CABIN1: variants seen among roughly 807,000 people sequenced by gnomAD.
The protein encoded by CABIN1 is calcineurin-binding protein cabin-1.
Under a neutral mutation model 227.7 loss-of-function variants are expected in CABIN1, and 133 were observed. The ratio of observed to expected loss-of-function variants is 0.58; its 90% confidence interval spans 0.51 to 0.67. CABIN1 has a LOEUF of 0.67. CABIN1 is among the 30% of genes least tolerant of loss of function. CABIN1 has a pLI of 0.00. For missense variants in CABIN1, 2,408 were observed against 2,852.5 expected, an observed-to-expected ratio of 0.84 and a Z score of 3.55; for synonymous variants, 1,086 against 1,155.1, an observed-to-expected ratio of 0.94 and a Z score of 1.21.
chr22:24,044,736 C>T (rs1242484501), intron 6 of CABIN1, among the ~76,000 whole-genome samples: 1 of 152,168 alleles, frequency 6.6e-6, no homozygotes, highest in Non-Finnish European at 1.5e-5. Flanking sequence ...TGCTTTGCTA[C>T]TTTATAACAA....
At chr22:24,096,313 G>A (rs1262554762) in intron 25 of CABIN1, among the ~76,000 whole-genome samples, 1 of 152,196 alleles carries the variant, frequency 6.6e-6, no homozygotes, top group Non-Finnish European at 1.5e-5. Context: ...GTCATGTGTG[G>A]TGCTACCCCA....
chr22:24,102,705 G>C (rs73879037), intron 26 of CABIN1, among the ~76,000 whole-genome samples: 1 of 152,134 alleles, frequency 6.6e-6, no homozygotes, highest in Non-Finnish European at 1.5e-5. Flanking sequence ...TGAGGGGTTG[G>C]GGAGAGGGAG....
chr22:24,168,428 C>G lies in CABIN1; in HGVS notation c.5683-19C>G, dbSNP rs1298581085. 1 of 1,563,540 alleles carries G rather than the reference C, an allele frequency of 6.4e-7. No homozygotes were observed. The highest frequency in any genetic ancestry group is 2.4e-5 in the East Asian group (1 of 41,700). ...CACAATGGCCTGCGCCCCCTGACTT[C>G]CAGCATCTCCCTGTTAAGGTGGATG... On this transcript the variant is annotated intron_variant, in intron 32 of 36. Coordinates refer to ENST00000263119, the MANE Select transcript of CABIN1 (RefSeq NM_012295.4).
At chr22:24,123,699 G>A (rs564643222) in intron 28 of CABIN1, among the ~76,000 whole-genome samples, 2 of 152,352 alleles carry the variant, frequency 1.3e-5, no homozygotes, top group East Asian at 3.9e-4. Context: ...ACAACTCCAT[G>A]TTGTCACTGA....
chr22:24,113,552 C>A lies in CABIN1; in HGVS notation c.4118-14C>A. 1 of 1,613,616 alleles carries A rather than the reference C, an allele frequency of 6.2e-7. No individual in the cohort carries two copies. Among genetic ancestry groups the A allele is most frequent in the Non-Finnish European group, 8.5e-7 (1 of 1,179,746 alleles). ...GTTAATGCTCTCGCCCTCTCTTCCT[C>A]CTTCTCCCCTCAGACCGAAGCCAGG... On this transcript the variant is annotated splice_polypyrimidine_tract_variant and intron_variant, in intron 26 of 36. Transcript: ENST00000263119.
intron 1 of CABIN1, among the ~76,000 whole-genome samples, chr22:24,016,877 G>C (rs2146453551): frequency 6.6e-6 from 1 of 152,086 alleles, no homozygotes; most frequent in African/African-American, 2.4e-5. Flanking sequence ...ATATCTCTAT[G>C]AATGATTTGA....
At chr22:24,081,966 A>G (rs1601963539) in intron 19 of CABIN1, among the ~76,000 whole-genome samples, 1 of 152,062 alleles carries the variant, frequency 6.6e-6, no homozygotes, top group African/African-American at 2.4e-5. Flanking sequence ...GGTGGAGGTT[A>G]CAGTGAGCCG....
Position 24,061,937 on chromosome 22 carries a change from T to C in CABIN1, c.1618-10T>C. 1 of 1,611,988 alleles carries C rather than the reference T, an allele frequency of 6.2e-7. No homozygotes were observed. Among genetic ancestry groups the C allele is most frequent in the Non-Finnish European group, 8.5e-7 (1 of 1,178,108 alleles). On this transcript the variant is annotated splice_polypyrimidine_tract_variant and intron_variant, in intron 12 of 36. Transcript: ENST00000263119. ...ATACTGTTCTTGACCTTCCTGTGTC[T>C]GTCCTGCAGGACATGATGCTGATGT...
chr22:24,160,366 C>G (rs1232787545), intron 29 of CABIN1: 1 of 152,106 alleles, frequency 6.6e-6, no homozygotes, highest in Non-Finnish European at 1.5e-5. Context: ...TGCCTGTGCC[C>G]TAGAAGTGGA....
At chr22:24,030,772 C>T (rs1416116649) in intron 1 of CABIN1, among the ~76,000 whole-genome samples, 1 of 152,022 alleles carries the variant, frequency 6.6e-6, no homozygotes, top group Non-Finnish European at 1.5e-5. Context: ...GCATATGGGG[C>T]CAGACACCCC....
intron 29 of CABIN1, among the ~76,000 whole-genome samples, chr22:24,154,810 CAG>C (rs1181885754): frequency 2.6e-5 from 4 of 152,150 alleles, no homozygotes; most frequent in Non-Finnish European, 5.9e-5. Context: ...GGAAGGGGCA[CAG>C]AGTAAGCCTT....
chr22:24,086,658 T>C (rs947751488), intron 22 of CABIN1, among the ~76,000 whole-genome samples: 5 of 152,226 alleles, frequency 3.3e-5, no homozygotes, highest in African/African-American at 1.2e-4. Flanking sequence ...TTGCTGCCTT[T>C]TCTGTTCTTT....
chr22:24,115,188 A>G (rs2043015180), intron 27 of CABIN1, among the ~76,000 whole-genome samples: 1 of 152,242 alleles, frequency 6.6e-6, no homozygotes, highest in African/African-American at 2.4e-5. Context: ...TCAAGCCGTG[A>G]CTGCTGTAGG....
At chr22:24,083,115 G>A in intron 19 of CABIN1, 113 bp from the exon 20 acceptor site, 2 of 1,069,842 alleles carry the variant, frequency 1.9e-6, no homozygotes, top group South Asian at 2.6e-5. Flanking sequence ...AACAGACATA[G>A]CCACCTCAGG....
At chr22:24,142,105 C>A (rs2044803023) in intron 29 of CABIN1, among the ~76,000 whole-genome samples, 1 of 152,066 alleles carries the variant, frequency 6.6e-6, no homozygotes, top group African/African-American at 2.4e-5. Flanking sequence ...TTGGAGGAAC[C>A]CCCTCCCTGC....
At chr22:24,062,601 C>T (rs760982733) in intron 13 of CABIN1, among the ~76,000 whole-genome samples, 2 of 152,014 alleles carry the variant, frequency 1.3e-5, no homozygotes, top group East Asian at 1.9e-4. Context: ...TCTAGTAATC[C>T]GCCCACCTCA....
chr22:24,094,802 C>T (rs80225380), intron 24 of CABIN1, among the ~76,000 whole-genome samples: 11,407 of 130,656 alleles, frequency 0.087, 570 homozygotes, highest in East Asian at 0.3. Context: ...CCGGCCTGGG[C>T]GACAGAGCGA....
At chr22:24,048,230 TA>T (rs2038046711) in intron 6 of CABIN1, among the ~76,000 whole-genome samples, 1 of 152,230 alleles carries the variant, frequency 6.6e-6, no homozygotes, top group Non-Finnish European at 1.5e-5. Context: ...CAATAAGTTT[TA>T]TGTGTATAAT....
In CABIN1 at chr22:24,091,786, C is replaced by A; in HGVS notation, c.3729C>A (p.Arg1243=). 1 of 1,613,928 alleles carries A rather than the reference C, an allele frequency of 6.2e-7. No individual in the cohort carries two copies. The highest frequency in any genetic ancestry group is 8.5e-7 in the Non-Finnish European group (1 of 1,179,946). The change falls in exon 24 of 37, where the codon CGC becomes CGA. Residue 1243 remains arginine, a synonymous_variant. Coordinates refer to ENST00000263119, the MANE Select transcript of CABIN1 (RefSeq NM_012295.4). ...AGHYLHEEAA[R]YPKKIHYHNP... ...ACTACCTGCACGAGGAGGCTGCCCG[C>A]TACCCCAAGAAGATCCACTACCACA...
Sources: allele counts gnomAD v4.1 joint callset (sites outside exome capture counted in the v4.1 genomes callset), GRCh38; gene constraint gnomAD v4.1.1; transcripts MANE v1.5; gene names NCBI Gene and HGNC (gene_info 2026-07-23, HGNC 2026-07-21).